Variants in MFAP5 observed in about 807,000 individuals in gnomAD.
MFAP5 encodes microfibril associated protein 5.
Under a neutral mutation model 30.1 loss-of-function variants are expected in MFAP5, and 19 were observed. The observed-to-expected ratio is 0.63, with a 90% CI of 0.44 to 0.93. The LOEUF (loss-of-function observed/expected upper bound fraction) is 0.93, where lower values mean the gene tolerates loss of function less well. Ranked by LOEUF, MFAP5 falls within the 40% of genes least tolerant of loss-of-function variation. MFAP5 has a pLI of 0.00. For synonymous variants in MFAP5, 92 were observed against 72.9 expected (o/e 1.26, Z -1.33); for missense variants, 210 against 221.3 (o/e 0.95, Z 0.32).
Position 8,655,790 on chromosome 12 carries a change from A to G in MFAP5, c.135T>C (p.Asp45=), listed in dbSNP as rs1273850958. Residue 45 remains aspartate, a synonymous_variant, in exon 4 of 10, where the codon GAT becomes GAC. Coordinates refer to ENST00000359478, the MANE Select transcript of MFAP5 (RefSeq NM_003480.4). The part of the protein sequence containing the change: ...TQATPETFTE[D]PNLVNDPATD... ...ACAAACAAAAGTGTAGCTTACTAGG[A>G]TCTTCTGTGAATGTTTCTGGAGTCG... is the stretch of plus-strand genomic sequence containing the variant. The G allele has an allele frequency of 1.2e-6, 2 of 1,610,980 alleles. 1 individual carries two copies. The highest frequency in any genetic ancestry group is 2.2e-5 in the South Asian group (2 of 91,072).
At position 8,648,471 on chromosome 12, in the gene MFAP5, C is replaced by A. The variant is rs754380912; in HGVS notation, c.410-268G>T. 28 of 1,215,900 alleles carry A rather than the reference C, an allele frequency of 2.3e-5. No homozygotes were observed. The East Asian group carries it at 1.1e-3, about 48-fold the overall frequency. 75.3% of individuals were successfully genotyped at this position (1,215,900 alleles called of 1,614,324 possible). A position where few individuals can be genotyped will look rare whatever the true frequency, so the allele number is the denominator to read the frequency against. ...ATATTTCTGAGTATTAAAATGAAAT[C>A]ATGTATGCAAAGTACCTAGCACAGG... On this transcript the variant is annotated intron_variant, in intron 9 of 9. Coordinates refer to ENST00000359478, the MANE Select transcript of MFAP5 (RefSeq NM_003480.4).
At chr12:8,652,306 G>A (rs373078822) in intron 6 of MFAP5, among the ~76,000 whole-genome samples, 1 of 152,060 alleles carries the variant, frequency 6.6e-6, no homozygotes, top group Non-Finnish European at 1.5e-5. Flanking sequence ...TTAGTTGGGT[G>A]TAGTGATGTG....
chr12:8,662,167 G>A (rs986253507), intron 1 of MFAP5, 61 bp from the exon 2 acceptor site: 3 of 1,450,258 alleles, frequency 2.1e-6, no homozygotes, highest in African/African-American at 2.8e-5. Flanking sequence ...GCATTTCAGT[G>A]CCAGGGAAAG....
At chr12:8,654,104 C>G (rs946241359) in intron 6 of MFAP5, among the ~76,000 whole-genome samples, 2 of 136,518 alleles carry the variant, frequency 1.5e-5, no homozygotes, top group African/African-American at 2.8e-5. Context: ...GCAGCCTGGA[C>G]GACAAGAGCA....
At chr12:8,652,897 C>T (rs1291407121) in intron 6 of MFAP5, among the ~76,000 whole-genome samples, 2 of 152,044 alleles carry the variant, frequency 1.3e-5, no homozygotes, top group East Asian at 3.9e-4. Flanking sequence ...ATCTAGAAAA[C>T]TGGATGTCAT....
At chr12:8,655,935 T>A in intron 3 of MFAP5, 105 bp from the exon 4 acceptor site, 1 of 930,304 alleles carries the variant, frequency 1.1e-6, no homozygotes, top group Non-Finnish European at 1.7e-6. Context: ...CGGAGTTGAG[T>A]ATCCCACAAA....
In MFAP5 at chr12:8,649,577, G is replaced by C. The variant is rs775163759; in HGVS notation, c.336-3C>G. Reference sequence around the variant, plus strand: ...TGACGATGTACATACGTCGTAAACTGCAGACGTCCCAGTGTCATAGGCAAG... The same window carrying C: ...TGACGATGTACATACGTCGTAAACTCCAGACGTCCCAGTGTCATAGGCAAG... On this transcript the variant is annotated splice_polypyrimidine_tract_variant and splice_region_variant and intron_variant, in intron 8 of 9. Coordinates refer to ENST00000359478, the MANE Select transcript of MFAP5 (RefSeq NM_003480.4). The C allele has an allele frequency of 2.5e-6, 4 of 1,612,950 alleles. No homozygotes were observed. Among genetic ancestry groups the C allele is most frequent in the African/African-American group, 1.3e-5 (1 of 74,890 alleles).
chr12:8,662,186 G>A (rs947422427), intron 1 of MFAP5, 80 bp from the exon 2 acceptor site: 2 of 1,188,316 alleles, frequency 1.7e-6, no homozygotes, highest in Non-Finnish European at 1.2e-6. Flanking sequence ...AGATGCCTCT[G>A]AGGTCCCTGT....
In MFAP5 at chr12:8,655,876, T is replaced by C. The variant is rs775655768; in HGVS notation, c.95-46A>G. The C allele has an allele frequency of 2.7e-6, 4 of 1,508,798 alleles. No individual in the cohort carries two copies. In the African/African-American group the frequency reaches 5.5e-5, roughly 21 times the overall value. The allele number at this position is 1,508,798 out of a possible 1,614,324, so 93.5% of individuals were successfully genotyped here. ...CAATTTCTGAGATTCTCTGTCTCCCTGCCACCCTTGCACTTCCAGTAAGTT... is the reference window on the plus strand; with the variant it reads ...CAATTTCTGAGATTCTCTGTCTCCCCGCCACCCTTGCACTTCCAGTAAGTT... On this transcript the variant is annotated intron_variant, in intron 3 of 9. Transcript: ENST00000359478.
intron 3 of MFAP5, among the ~76,000 whole-genome samples, chr12:8,660,126 C>A (rs1942106129): frequency 1.3e-5 from 2 of 151,818 alleles, no homozygotes; most frequent in Non-Finnish European, 2.9e-5. Flanking sequence ...CCAAAAAATA[C>A]CTTTTGGGTT....
chr12:8,650,949 C>T (rs1591566089), intron 7 of MFAP5, among the ~76,000 whole-genome samples: 1 of 152,204 alleles, frequency 6.6e-6, no homozygotes, highest in East Asian at 1.9e-4. Flanking sequence ...GGCAGATCAC[C>T]TGAAGTCAGG....
At chr12:8,654,640 T>C (rs893125281) in intron 5 of MFAP5, among the ~76,000 whole-genome samples, 159 bp from the exon 6 acceptor site, 1 of 152,144 alleles carries the variant, frequency 6.6e-6, no homozygotes. Flanking sequence ...TAATTATAAA[T>C]TTTTTTAAAG....
intron 6 of MFAP5, among the ~76,000 whole-genome samples, chr12:8,652,359 C>G (rs1252542014): frequency 6.6e-6 from 1 of 152,068 alleles, no homozygotes; most frequent in African/African-American, 2.4e-5. Context: ...GCAGGAGAAT[C>G]ACTTGAACCT....
In MFAP5 at chr12:8,660,915, GA is replaced by G; in HGVS notation, c.59-18del. 1 of 1,606,922 alleles carries G rather than the reference GA, an allele frequency of 6.2e-7. No homozygotes were observed. Among genetic ancestry groups the G allele is most frequent in the Non-Finnish European group, 8.5e-7 (1 of 1,174,136 alleles). On this transcript the variant is annotated intron_variant, in intron 2 of 9. Coordinates refer to ENST00000359478, the MANE Select transcript of MFAP5 (RefSeq NM_003480.4). ...GTATCCAGTCTATAGCAAAGGAAGAGAAAAGAGATGTGAGTGACTGCAGCTC... is the reference window on the plus strand; with the variant it reads ...GTATCCAGTCTATAGCAAAGGAAGAGAAAGAGATGTGAGTGACTGCAGCTC...
rs2136471395 is a variant in MFAP5, at chr12:8,655,797, G to A, written c.128C>T (p.Thr43Ile). ...AAAGTGTAGCTTACTAGGATCTTCTGTGAATGTTTCTGGAGTCGCTTGAGT... is the reference window on the plus strand; with the variant it reads ...AAAGTGTAGCTTACTAGGATCTTCTATGAATGTTTCTGGAGTCGCTTGAGT... ...DVTQATPETF[T>I]EDPNLVNDPA... Residue 43 changes from threonine (T) to isoleucine (I), a missense_variant, in exon 4 of 10, where the codon ACA (threonine) becomes ATA (isoleucine). Physicochemically the swap from Thr to Ile is moderately conservative, Grantham distance 89. Transcript: ENST00000359478. The A allele has an allele frequency of 1.2e-6, 2 of 1,611,406 alleles. No homozygotes were observed. The highest frequency in any genetic ancestry group is 2.2e-5 in the East Asian group (1 of 44,888).
At chr12:8,648,376 GT>G in intron 9 of MFAP5, 173 bp from the exon 10 acceptor site, 1 of 938,034 alleles carries the variant, frequency 1.1e-6, no homozygotes, top group South Asian at 1.8e-5. Context: ...TTCCTAGAAA[GT>G]TTCTTAAATT....
At chr12:8,650,367 A>G in intron 8 of MFAP5, 135 bp downstream of exon 8, 1 of 733,308 alleles carries the variant, frequency 1.4e-6, no homozygotes, top group Non-Finnish European at 2.4e-6. Context: ...TACATTCAGC[A>G]ATAACTAGGA....
chr12:8,656,110 G>A (rs1028094897), intron 3 of MFAP5, among the ~76,000 whole-genome samples: 4 of 147,500 alleles, frequency 2.7e-5, no homozygotes, highest in Non-Finnish European at 5.9e-5. Flanking sequence ...GCCCAGGCTG[G>A]AGTGCAGGGG....
At chr12:8,658,687 C>T (rs1942070563) in intron 3 of MFAP5, 1 of 151,984 alleles carries the variant, frequency 6.6e-6, no homozygotes, top group Non-Finnish European at 1.5e-5. Context: ...AGAATGTATC[C>T]TAGCTGTCTC....
Sources: allele counts gnomAD v4.1 joint callset (sites outside exome capture counted in the v4.1 genomes callset), GRCh38; gene constraint gnomAD v4.1.1; transcripts MANE v1.5; gene names NCBI Gene and HGNC (gene_info 2026-07-23, HGNC 2026-07-21).